AGFG1: variants seen among roughly 807,000 people sequenced by gnomAD.
The protein encoded by AGFG1 is arf-GAP domain and FG repeat-containing protein 1.
A neutral mutation model predicts 60.6 loss-of-function variants in AGFG1; 10 were observed. The ratio of observed to expected loss-of-function variants is 0.16; its 90% CI spans 0.10 to 0.28. The LOEUF is 0.28. AGFG1 is among the 10% of genes least tolerant of loss of function. The pLI, the probability that AGFG1 is intolerant of heterozygous loss-of-function variation, is 1.00. For synonymous variants in AGFG1, 247 were observed against 242.9 expected, an observed-to-expected ratio of 1.02 and a Z score of -0.16; for missense variants, 537 against 676.5, an observed-to-expected ratio of 0.79 and a Z score of 2.29.
intron 3 of AGFG1, among the ~76,000 whole-genome samples, chr2:227,523,397 C>A (rs1691880423): frequency 6.6e-6 from 1 of 152,006 alleles, no homozygotes; most frequent in Admixed American, 6.6e-5. Context: ...TTATTTAGAT[C>A]TTAAGATAAT....
intron 8 of AGFG1, among the ~76,000 whole-genome samples, chr2:227,535,392 T>C (rs1426413079): frequency 6.6e-6 from 1 of 152,220 alleles, no homozygotes; most frequent in Non-Finnish European, 1.5e-5. Context: ...ACAGTGAAAG[T>C]CCCATATTAT....
chr2:227,499,481 A>G (rs1327478950), intron 2 of AGFG1, among the ~76,000 whole-genome samples: 1 of 150,792 alleles, frequency 6.6e-6, no homozygotes, highest in East Asian at 1.9e-4. Context: ...CTCTACTAAA[A>G]ATACAAAAAT....
chr2:227,472,438 A>T lies in AGFG1; in HGVS notation c.17A>T (p.Lys6Met). MAASA[K>M]RKQEEKHLKM... ...GCCGCGGCCATGGCGGCCAGCGCGA[A>T]GCGGAAGCAGGAGGAGAAGCACCTG... The change falls in exon 1 of 13, where the codon AAG (lysine) becomes ATG (methionine). Residue 6 changes from lysine (K) to methionine (M), a missense_variant. Physicochemically the swap from Lys to Met is moderately conservative, Grantham distance 95 (BLOSUM62 -1). Transcript: ENST00000310078. 6.5e-7 allele frequency: 1 copy of T among 1,532,842 alleles called. No individual in the cohort carries two copies. Among genetic ancestry groups the T allele is most frequent in the Non-Finnish European group, 8.8e-7 (1 of 1,139,684 alleles). 95.0% of individuals were successfully genotyped at this position (1,532,842 alleles called of 1,614,324 possible). A position where few individuals can be genotyped will look rare whatever the true frequency, so the allele number is the denominator to read the frequency against.
chr2:227,472,562 C>A lies in AGFG1; in HGVS notation c.141C>A (p.Phe47Leu). 6.3e-7 allele frequency: 1 copy of A among 1,578,564 alleles called. No homozygotes were observed. Among genetic ancestry groups the A allele is most frequent in the Non-Finnish European group, 8.6e-7 (1 of 1,161,904 alleles). Residue 47 changes from phenylalanine to leucine, a missense_variant, in exon 1 of 13, where the codon TTC (phenylalanine) becomes TTA (leucine). By Grantham distance (22) the Phe-to-Leu change is conservative. Around this residue, in one of 4 missense-constraint regions of AGFG1, gnomAD observed 120 missense variants for 198.5 expected, o/e 0.60. Transcript: ENST00000310078. ...ACGTTAACATGACGGTCGGCTCCTTCGTGTGTACCTCCTGCTCCGGCAGCC... is the reference window on the plus strand; with the variant it reads ...ACGTTAACATGACGGTCGGCTCCTTAGTGTGTACCTCCTGCTCCGGCAGCC... Reference protein sequence around the residue: ...PTYVNMTVGSFVCTSCSGSLR... With the variant: ...PTYVNMTVGSLVCTSCSGSLR...
At chr2:227,517,153 A>G (rs566138716) in intron 2 of AGFG1, among the ~76,000 whole-genome samples, 6 of 152,146 alleles carry the variant, frequency 3.9e-5, no homozygotes, top group South Asian at 2.1e-4. Flanking sequence ...TGCCAGTGAA[A>G]TGTTTTCATA....
At chr2:227,523,537 T>C (rs947454768) in intron 3 of AGFG1, among the ~76,000 whole-genome samples, 2 of 152,160 alleles carry the variant, frequency 1.3e-5, no homozygotes, top group African/African-American at 4.8e-5. Flanking sequence ...GAAACAAGTT[T>C]TGTGGTTAGT....
At chr2:227,495,863 G>A (rs985036772) in intron 2 of AGFG1, among the ~76,000 whole-genome samples, 2 of 152,006 alleles carry the variant, frequency 1.3e-5, no homozygotes, top group Non-Finnish European at 2.9e-5. Flanking sequence ...AGCTGTTTGG[G>A]AGGCTGAGGC....
At chr2:227,542,487 C>T (rs921774445) in intron 10 of AGFG1, among the ~76,000 whole-genome samples, 9 of 152,160 alleles carry the variant, frequency 5.9e-5, no homozygotes, top group Non-Finnish European at 1.2e-4. Context: ...GTTGAACCAG[C>T]CTTGCATCCC....
At chr2:227,549,427 A>G (rs567341449) in intron 10 of AGFG1, among the ~76,000 whole-genome samples, 1 of 152,342 alleles carries the variant, frequency 6.6e-6, no homozygotes, top group African/African-American at 2.4e-5. Flanking sequence ...TCTGTCCTCA[A>G]ACATGCCAGG....
rs1338730957 is a variant in AGFG1, at chr2:227,558,257, C to T, written c.*3762C>T. 6.6e-6 allele frequency: 1 copy of T among 152,126 alleles called. No homozygotes were observed. The highest frequency in any genetic ancestry group is 2.4e-5 in the African/African-American group (1 of 41,428). The allele number at this position is 152,126 out of a possible 1,614,324, so 9.4% of individuals were successfully genotyped here. On this transcript the variant is annotated 3_prime_UTR_variant, in exon 13 of 13. Transcript: ENST00000310078. ...AACAGATTTGGATTAAATGCTATCA[C>T]ATTTATATATGAATGCATTCTTTCT...
chr2:227,524,911 T>G lies in AGFG1; in HGVS notation c.690T>G (p.His230Gln). The G allele has an allele frequency of 1.2e-6, 2 of 1,614,024 alleles. No homozygotes were observed. The highest frequency in any genetic ancestry group is 1.7e-6 in the Non-Finnish European group (2 of 1,179,894). ...NFANFAHFNS[H>Q]AAQNSANADF... ...CTAACTTTGCACATTTCAACAGTCA[T>G]GCAGGTAAGTGTTTTTTCCCAACAG... The change falls in exon 5 of 13, where the codon CAT (histidine) becomes CAG (glutamine). Residue 230 changes from histidine (H) to glutamine (Q), a missense_variant. Transcript: ENST00000310078.
chr2:227,489,822 T>C (rs1427403459), intron 1 of AGFG1, among the ~76,000 whole-genome samples: 1 of 151,642 alleles, frequency 6.6e-6, no homozygotes, highest in Non-Finnish European at 1.5e-5. Context: ...AAAAATACTT[T>C]TTTTTTTTTT....
At position 227,538,151 on chromosome 2, in the gene AGFG1, T is replaced by G. The variant is rs551430987; in HGVS notation, c.1378+1158T>G. On this transcript the variant is annotated intron_variant, in intron 10 of 12. Transcript: ENST00000310078. ...GTTTCTGTTTCTTAGCATACTGTTT[T>G]GATTTTGTGGACTGAGTTTGTAAAA... Among the ~76,000 whole-genome samples the G allele has an allele frequency of 2.0e-5, 3 of 152,348 alleles. No individual in the cohort carries two copies. In the South Asian group the frequency reaches 6.2e-4, roughly 32 times the overall value.
At chr2:227,553,825 T>G in intron 12 of AGFG1, 30 bp downstream of exon 12, 3 of 1,491,832 alleles carry the variant, frequency 2.0e-6, no homozygotes, top group Non-Finnish European at 2.8e-6. Context: ...AAATACTTTA[T>G]AAGTTGTTAA....
At chr2:227,498,716 C>T (rs4496327) in intron 2 of AGFG1, among the ~76,000 whole-genome samples, 91,405 of 152,000 alleles carry the variant, frequency 0.6, 27,536 homozygotes, top group South Asian at 0.7. Flanking sequence ...ATCCGTGGGT[C>T]TTTTTGAATG....
intron 10 of AGFG1, among the ~76,000 whole-genome samples, chr2:227,538,289 T>A (rs2063912373): frequency 6.6e-6 from 1 of 152,230 alleles, no homozygotes; most frequent in Admixed American, 6.5e-5. Context: ...GAAAAGTTAA[T>A]TGAACATATT....
chr2:227,491,973 T>C (rs1200872604), intron 2 of AGFG1, among the ~76,000 whole-genome samples: 2 of 152,290 alleles, frequency 1.3e-5, no homozygotes, highest in South Asian at 4.1e-4. Context: ...ATTCATTTTG[T>C]GATGTTGTGT....
chr2:227,553,094 G>A (rs1419346361), intron 11 of AGFG1, among the ~76,000 whole-genome samples: 1 of 150,190 alleles, frequency 6.7e-6, no homozygotes, highest in Non-Finnish European at 1.5e-5. Flanking sequence ...TGTTTACATA[G>A]AAATCATTGT....
At chr2:227,488,813 T>C (rs1182158462) in intron 1 of AGFG1, among the ~76,000 whole-genome samples, 1 of 152,100 alleles carries the variant, frequency 6.6e-6, no homozygotes, top group Non-Finnish European at 1.5e-5. Context: ...TGGAAATTTA[T>C]TTACTTATTT....
Sources: allele counts gnomAD v4.1 joint callset (sites outside exome capture counted in the v4.1 genomes callset), GRCh38; gene constraint gnomAD v4.1.1; regional missense constraint gnomAD v4.1.1; transcripts MANE v1.5; gene names NCBI Gene and HGNC (gene_info 2026-07-23, HGNC 2026-07-21).